The following MCMBP variants were observed in gnomAD, a reference collection of about 807,000 sequenced individuals.
MCMBP encodes the protein mini-chromosome maintenance complex-binding protein.
Under a neutral mutation model 81.3 loss-of-function variants are expected in MCMBP, and 31 were observed. The ratio of observed to expected loss-of-function variants is 0.38; its 90% CI spans 0.29 to 0.51. The LOEUF (loss-of-function observed/expected upper bound fraction) is 0.51. MCMBP is among the 20% of genes least tolerant of loss of function. The probability of loss-of-function intolerance (pLI) is 0.87; values close to 1 mark genes in which losing one functional copy is unlikely to be tolerated. For missense variants in MCMBP, 645 were observed against 772.1 expected (o/e 0.84, Z 1.95); for synonymous variants, 267 against 275.9 (o/e 0.97, Z 0.32).
Position 119,859,181 on chromosome 10 carries a change from C to T in MCMBP, c.145G>A (p.Val49Ile). 1.2e-6 allele frequency: 2 copies of T among 1,610,930 alleles called. No individual in the cohort carries two copies. Among genetic ancestry groups the T allele is most frequent in the South Asian group, 1.1e-5 (1 of 90,840 alleles). ...KLKENNAPKWVPSLNEVPLHY... is the reference protein window; with the variant it reads ...KLKENNAPKWIPSLNEVPLHY... ...AGGGGAACTTCGTTCAGTGATGGTA[C>T]CTTAAAGGAAAATAATCAAGTCAGT... is the stretch of plus-strand genomic sequence containing the variant. Residue 49 changes from valine to isoleucine, a missense_variant and splice_region_variant, in exon 3 of 16, where the codon GTA becomes ATA. Transcript: ENST00000369077.
At chr10:119,846,508 G>A (rs1852625972) in intron 8 of MCMBP, among the ~76,000 whole-genome samples, 1 of 152,132 alleles carries the variant, frequency 6.6e-6, no homozygotes, top group Non-Finnish European at 1.5e-5. Flanking sequence ...ATGTCCCCAA[G>A]TACCTTCCTC....
Position 119,838,715 on chromosome 10 carries a change from T to G in MCMBP, c.1243-15A>C. On this transcript the variant is annotated splice_polypyrimidine_tract_variant and intron_variant, in intron 11 of 15. Transcript: ENST00000369077. ...AGACGAAAAGACTGCAAAGAGAAAT[T>G]TTTTAGTGAACAAGAATTTAAGTTT... 6.3e-7 allele frequency: 1 copy of G among 1,582,052 alleles called. No homozygotes were observed. The highest frequency in any genetic ancestry group is 1.1e-5 in the South Asian group (1 of 87,414).
chr10:119,840,957 A>G lies in MCMBP; in HGVS notation c.1128T>C (p.Tyr376=), dbSNP rs1201527258. The part of the protein sequence containing the change: ...YLILHLISTV[Y]TRRDVLPLGK... The stretch of plus-strand genomic sequence containing the variant: ...CTAGTGGAAGGACATCTCTTCTTGT[A>G]TATCTAGAAAAGAAAGAAATCAATC... The change falls in exon 11 of 16, where the codon TAT becomes TAC. Residue 376 remains tyrosine (Y), a synonymous_variant. Coordinates refer to ENST00000369077, the MANE Select transcript of MCMBP (RefSeq NM_001256378.2). 7.0e-6 allele frequency: 11 copies of G among 1,560,466 alleles called. No individual in the cohort carries two copies. Among genetic ancestry groups the G allele is most frequent in the South Asian group, 2.3e-5 (2 of 87,076 alleles).
Position 119,872,749 on chromosome 10 carries a change from G to T in MCMBP, c.-165C>A. 5.0e-6 allele frequency: 1 copy of T among 199,494 alleles called. No homozygotes were observed. Among genetic ancestry groups the T allele is most frequent in the Non-Finnish European group, 9.6e-6 (1 of 103,824 alleles). The allele number at this position is 199,494 out of a possible 1,614,324, so 12.4% of individuals were successfully genotyped here. ...GAGCCGCGGGGCGCGGGCCTCCCGC[G>T]CCTCAGGGAGCGGCGGCTGCGGTGG... On this transcript the variant is annotated 5_prime_UTR_variant, in exon 1 of 16. Coordinates refer to ENST00000369077, the MANE Select transcript of MCMBP (RefSeq NM_001256378.2).
intron 1 of MCMBP, among the ~76,000 whole-genome samples, chr10:119,865,197 G>T (rs1171886486): frequency 6.6e-6 from 1 of 152,150 alleles, no homozygotes; most frequent in Non-Finnish European, 1.5e-5. Context: ...ACATTTTGAA[G>T]CTCTGTTGCT....
At chr10:119,850,816 A>C (rs962254100) in intron 6 of MCMBP, among the ~76,000 whole-genome samples, 1 of 150,986 alleles carries the variant, frequency 6.6e-6, no homozygotes, top group East Asian at 1.9e-4. Context: ...ACATTCTACT[A>C]TAATTACGTA....
In MCMBP at chr10:119,830,757, G is replaced by T. The variant is rs1851998055; in HGVS notation, c.*717C>A. ...GTCCTTTCCTTTTATGAAAAAAATGGTGATAATACAGTGATTTATTCGGAT... is the reference window on the plus strand; with the variant it reads ...GTCCTTTCCTTTTATGAAAAAAATGTTGATAATACAGTGATTTATTCGGAT... On this transcript the variant is annotated 3_prime_UTR_variant, in exon 16 of 16. Transcript: ENST00000369077. The T allele has an allele frequency of 6.6e-6, 1 of 152,536 alleles. No homozygotes were observed. Among genetic ancestry groups the T allele is most frequent in the Non-Finnish European group, 1.5e-5 (1 of 68,026 alleles). The allele number at this position is 152,536 out of a possible 1,614,324, so 9.4% of individuals were successfully genotyped here. A position where few individuals can be genotyped will look rare whatever the true frequency, so the allele number is the denominator to read the frequency against.
chr10:119,862,312 C>A (rs976708299), intron 1 of MCMBP, among the ~76,000 whole-genome samples: 2 of 152,100 alleles, frequency 1.3e-5, no homozygotes, highest in East Asian at 1.9e-4. Context: ...CGTCCCCCCC[C>A]ACACCACCTC....
intron 7 of MCMBP, among the ~76,000 whole-genome samples, chr10:119,847,999 C>T (rs1308164533): frequency 6.6e-6 from 1 of 151,664 alleles, no homozygotes; most frequent in Non-Finnish European, 1.5e-5. Flanking sequence ...AAAGCCTTTT[C>T]CCAAAGGCTG....
intron 5 of MCMBP, 32 bp downstream of exon 5, chr10:119,857,306 C>A (rs1485917178): frequency 7.5e-6 from 11 of 1,474,806 alleles, no homozygotes; most frequent in Non-Finnish European, 1.0e-5. Flanking sequence ...TAGAAACCAT[C>A]AACACAGTAA....
intron 5 of MCMBP, among the ~76,000 whole-genome samples, chr10:119,855,114 T>G (rs1025470776): frequency 6.6e-6 from 1 of 152,120 alleles, no homozygotes; most frequent in African/African-American, 2.4e-5. Context: ...AGCTGTATAA[T>G]CTAAGGATGA....
chr10:119,850,775 T>C (rs1383633065), intron 6 of MCMBP, among the ~76,000 whole-genome samples: 1 of 142,482 alleles, frequency 7.0e-6, no homozygotes, highest in African/African-American at 2.6e-5. Flanking sequence ...GGAAAAAAAA[T>C]GATTGTATCA....
Position 119,836,849 on chromosome 10 carries a change from A to T in MCMBP, c.1542+47T>A, listed in dbSNP as rs745865690. 13 of 1,366,678 alleles carry T rather than the reference A, an allele frequency of 9.5e-6. No individual in the cohort carries two copies. In the Admixed American group the frequency reaches 3.0e-4, roughly 32 times the overall value. 84.7% of individuals were successfully genotyped at this position (1,366,678 alleles called of 1,614,324 possible). On this transcript the variant is annotated intron_variant, in intron 13 of 15. Coordinates refer to ENST00000369077, the MANE Select transcript of MCMBP (RefSeq NM_001256378.2). ...ACCAAGAAACAGCAAAAATGTAGGTATTTTTCCAATGTCAACCTCCCTCCA... is the reference window on the plus strand; with the variant it reads ...ACCAAGAAACAGCAAAAATGTAGGTTTTTTTCCAATGTCAACCTCCCTCCA...
At chr10:119,852,051 C>T (rs1852842255) in intron 6 of MCMBP, among the ~76,000 whole-genome samples, 3 of 146,130 alleles carry the variant, frequency 2.1e-5, no homozygotes. Context: ...ACTCAGGAGG[C>T]TGAGGCAGGA....
In MCMBP at chr10:119,833,205, C is replaced by T. The variant is rs61869080; in HGVS notation, c.1708-1105G>A. 2.0e-3 allele frequency among the ~76,000 whole-genome samples: 311 copies of T among 152,296 alleles called. 1 individual carries two copies. Among genetic ancestry groups the T allele is most frequent in the Non-Finnish European group, 3.7e-3 (252 of 68,026 alleles). On this transcript the variant is annotated intron_variant, in intron 14 of 15. Coordinates refer to ENST00000369077, the MANE Select transcript of MCMBP (RefSeq NM_001256378.2). ...CAGAGACTTCAGTGCCCACATGTGA[C>T]AAAGATACAGACTTTATAGAATTAG...
intron 1 of MCMBP, among the ~76,000 whole-genome samples, chr10:119,865,780 T>C (rs1271234856): frequency 6.6e-6 from 1 of 151,816 alleles, no homozygotes; most frequent in Non-Finnish European, 1.5e-5. Context: ...TTTTCAGCCA[T>C]AAAAAGGAAT....
chr10:119,829,596 A>AC lies in MCMBP; in HGVS notation c.*1877dup. The AC allele has an allele frequency of 6.6e-6, 1 of 152,370 alleles. No homozygotes were observed. The highest frequency in any genetic ancestry group is 1.9e-4 in the East Asian group (1 of 5,196). The allele number at this position is 152,370 out of a possible 1,614,324, so 9.4% of individuals were successfully genotyped here. On this transcript the variant is annotated 3_prime_UTR_variant, in exon 16 of 16. Coordinates refer to ENST00000369077, the MANE Select transcript of MCMBP (RefSeq NM_001256378.2). Reference sequence around the variant, plus strand: ...CTGTCCGTGTATATATAGGTGAGGGACAAAGGGTTTCTGCAGCCAAGCACT... The same window carrying AC: ...CTGTCCGTGTATATATAGGTGAGGGACCAAAGGGTTTCTGCAGCCAAGCACT...
chr10:119,866,879 C>T (rs1248981708), intron 1 of MCMBP, among the ~76,000 whole-genome samples: 1 of 152,096 alleles, frequency 6.6e-6, no homozygotes, highest in Non-Finnish European at 1.5e-5. Context: ...AGTAGAACTG[C>T]TTGAACCTGG....
chr10:119,856,159 T>C (rs184686209), intron 5 of MCMBP, among the ~76,000 whole-genome samples: 14 of 152,150 alleles, frequency 9.2e-5, no homozygotes, highest in African/African-American at 2.9e-4. Context: ...GAGATGGAGG[T>C]TGCAGTGAGC....
Sources: allele counts gnomAD v4.1 joint callset (sites outside exome capture counted in the v4.1 genomes callset), GRCh38; gene constraint gnomAD v4.1.1; transcripts MANE v1.5; gene names NCBI Gene and HGNC (gene_info 2026-07-23, HGNC 2026-07-21).